The following SLCO3A1 variants were observed in gnomAD, a reference collection of about 807,000 sequenced individuals.
SLCO3A1 encodes PGE1 transporter.
In SLCO3A1, 27 loss-of-function variants were observed where a neutral mutation model predicts 63.1. That is an observed-to-expected ratio of 0.43 (90% CI 0.32 to 0.59). The LOEUF (loss-of-function observed/expected upper bound fraction) is 0.59. SLCO3A1 is among the 20% of genes least tolerant of loss of function. The probability of loss-of-function intolerance (pLI) is 0.09; values close to 1 mark genes in which losing one functional copy is unlikely to be tolerated. For missense variants in SLCO3A1, 773 were observed against 945.8 expected (o/e 0.82, Z 2.40); for synonymous variants, 473 against 409.9 (o/e 1.15, Z -1.86).
intron 2 of SLCO3A1, among the ~76,000 whole-genome samples, chr15:92,032,027 A>T (rs1454786370): frequency 6.6e-6 from 1 of 152,088 alleles, no homozygotes; most frequent in Non-Finnish European, 1.5e-5. Context: ...TGGCATGGGG[A>T]CTGAGGCCCA....
At chr15:91,866,385 C>G (rs1897163976) in intron 1 of SLCO3A1, among the ~76,000 whole-genome samples, 1 of 152,064 alleles carries the variant, frequency 6.6e-6, no homozygotes, top group Non-Finnish European at 1.5e-5. Flanking sequence ...TTCCTGAAGC[C>G]CTATCCGATT....
At chr15:92,127,197 C>A (rs542651750) in intron 6 of SLCO3A1, among the ~76,000 whole-genome samples, 1 of 152,206 alleles carries the variant, frequency 6.6e-6, no homozygotes, top group East Asian at 1.9e-4. Context: ...AGCCTGGCCC[C>A]GACTTCGTGT....
At chr15:92,068,914 G>T (rs565917956) in intron 2 of SLCO3A1, among the ~76,000 whole-genome samples, 1 of 152,088 alleles carries the variant, frequency 6.6e-6, no homozygotes, top group Non-Finnish European at 1.5e-5. Flanking sequence ...CCTGTAACAC[G>T]CTGGGTCACA....
At chr15:91,974,500 G>A (rs1901019306) in intron 2 of SLCO3A1, among the ~76,000 whole-genome samples, 6 of 152,230 alleles carry the variant, frequency 3.9e-5, no homozygotes, top group Admixed American at 2.6e-4. Flanking sequence ...GTCACTGCTG[G>A]AAACTAGAAG....
At chr15:92,122,763 C>A (rs551391077) in intron 5 of SLCO3A1, among the ~76,000 whole-genome samples, 1 of 152,230 alleles carries the variant, frequency 6.6e-6, no homozygotes, top group Admixed American at 6.5e-5. Flanking sequence ...CCCAAATGTC[C>A]GTCAATGTAA....
At chr15:91,924,993 A>G (rs1898964276) in intron 2 of SLCO3A1, among the ~76,000 whole-genome samples, 1 of 152,232 alleles carries the variant, frequency 6.6e-6, no homozygotes, top group African/African-American at 2.4e-5. Context: ...ACCTGAAGAA[A>G]GGTGAAAGTC....
At chr15:91,956,207 T>C (rs369242842) in intron 2 of SLCO3A1, among the ~76,000 whole-genome samples, 1 of 152,160 alleles carries the variant, frequency 6.6e-6, no homozygotes, top group Admixed American at 6.5e-5. Context: ...GGTTGGTTTC[T>C]GGCGTTCTAC....
intron 2 of SLCO3A1, among the ~76,000 whole-genome samples, chr15:91,996,660 T>C (rs557202342): frequency 1.4e-3 from 209 of 152,212 alleles, no homozygotes; most frequent in Non-Finnish European, 2.4e-3. Context: ...TAGATGTTAT[T>C]TGAACTGCCT....
chr15:92,048,376 A>G (rs1451781671), intron 2 of SLCO3A1, among the ~76,000 whole-genome samples: 4 of 152,138 alleles, frequency 2.6e-5, no homozygotes, highest in Admixed American at 2.6e-4. Context: ...CTGCTATGAA[A>G]TGTGGTCGTG....
rs1897630020 is a variant in SLCO3A1 at position 91,882,953 on chromosome 15, G to T, written c.180+28865G>T. ...ATATCACCTTGTTCTTTAAGAAGTT[G>T]GTTGGGCTGCTCTATTAATGCCCAG... On this transcript the variant is annotated intron_variant, in intron 1 of 9. Transcript: ENST00000318445. The surrounding 1 kb of genome is among the most constrained non-coding windows in gnomAD (Gnocchi z 4.4). Among the ~76,000 whole-genome samples the T allele has an allele frequency of 6.6e-6, 1 of 152,206 alleles. No homozygotes were observed. Among genetic ancestry groups the T allele is most frequent in the African/African-American group, 2.4e-5 (1 of 41,454 alleles).
chr15:91,919,926 C>T (rs888922083), intron 2 of SLCO3A1, among the ~76,000 whole-genome samples: 4 of 152,126 alleles, frequency 2.6e-5, no homozygotes, highest in African/African-American at 4.8e-5. Flanking sequence ...TCTATTCTCT[C>T]TTCTGCATTA....
At chr15:91,938,519 C>G (rs4244911) in intron 2 of SLCO3A1, among the ~76,000 whole-genome samples, 110,531 of 148,740 alleles carry the variant, frequency 0.74, 41,300 homozygotes, top group East Asian at 0.98. Context: ...ATTTGTGTCA[C>G]AGTTACAAGA....
chr15:91,896,318 A>T (rs182969143), intron 1 of SLCO3A1, among the ~76,000 whole-genome samples: 2 of 152,184 alleles, frequency 1.3e-5, no homozygotes, highest in Non-Finnish European at 2.9e-5. Flanking sequence ...AGCTGAAAAA[A>T]CTTTTCTTTA....
chr15:92,013,114 C>A (rs2046387297), intron 2 of SLCO3A1, among the ~76,000 whole-genome samples: 1 of 152,186 alleles, frequency 6.6e-6, no homozygotes, highest in Non-Finnish European at 1.5e-5. Context: ...AGCCTGTGTG[C>A]AGATGGGTGG....
chr15:92,015,452 C>T (rs750644626), intron 2 of SLCO3A1, among the ~76,000 whole-genome samples: 16 of 152,146 alleles, frequency 1.1e-4, no homozygotes, highest in African/African-American at 2.2e-4. Flanking sequence ...TATGAGATCT[C>T]GTGAGAACTC....
At chr15:91,868,980 T>C (rs1486643160) in intron 1 of SLCO3A1, among the ~76,000 whole-genome samples, 1 of 152,208 alleles carries the variant, frequency 6.6e-6, no homozygotes, top group Non-Finnish European at 1.5e-5. Context: ...AAGAAAAGTT[T>C]ATATAAAAAT....
intron 7 of SLCO3A1, among the ~76,000 whole-genome samples, chr15:92,144,738 T>G (rs1567144256): frequency 6.6e-6 from 1 of 152,170 alleles, no homozygotes; most frequent in African/African-American, 2.4e-5. Context: ...GAAAGCGAAT[T>G]CGGGGGAGAT....
intron 7 of SLCO3A1, among the ~76,000 whole-genome samples, chr15:92,144,316 T>G (rs2048191797): frequency 6.8e-6 from 1 of 146,286 alleles, no homozygotes; most frequent in East Asian, 1.9e-4. Flanking sequence ...GACTTCAGGC[T>G]TGAATACCAT....
At chr15:91,896,272 C>T (rs1898001082) in intron 1 of SLCO3A1, among the ~76,000 whole-genome samples, 1 of 152,178 alleles carries the variant, frequency 6.6e-6, no homozygotes, top group South Asian at 2.1e-4. Flanking sequence ...CATGTTACAT[C>T]CTGGATGAGG....
Sources: allele counts gnomAD v4.1 joint callset (sites outside exome capture counted in the v4.1 genomes callset), GRCh38; gene constraint gnomAD v4.1.1; non-coding constraint Gnocchi (gnomAD v3.1); transcripts MANE v1.5; gene names NCBI Gene and HGNC (gene_info 2026-07-23, HGNC 2026-07-21).